The following TESMIN variants were observed in gnomAD, a reference collection of about 807,000 sequenced individuals.
The protein encoded by TESMIN is CXC domain containing 2.
TESMIN carries 34 observed loss-of-function variants against 47.4 expected under a neutral mutation model. The ratio of observed to expected loss-of-function variants is 0.72; its 90% CI spans 0.55 to 0.96. TESMIN has a LOEUF of 0.96. Among genes scored for constraint, TESMIN ranks in the 40% least tolerant of loss-of-function variants. TESMIN has a pLI of 0.00. For missense variants in TESMIN, 610 were observed against 637.2 expected (o/e 0.96, Z 0.46); for synonymous variants, 278 against 258.9 (o/e 1.07, Z -0.71).
In TESMIN at chr11:68,738,982, A is replaced by AC. The variant is rs1555224460; in HGVS notation, c.829-195_829-194insG. On this transcript the variant is annotated intron_variant, in intron 5 of 9. Coordinates refer to ENST00000255087, the MANE Select transcript of TESMIN (RefSeq NM_004923.3). Reference sequence around the variant, plus strand: ...AAGGTCTAGTGCTGAGGTGTGTCACAGCCTGTCTGGAAGTGTGCAAAGATG... The same window carrying AC: ...AAGGTCTAGTGCTGAGGTGTGTCACACGCCTGTCTGGAAGTGTGCAAAGATG... Among the ~76,000 whole-genome samples, 20 of 152,302 alleles carry AC rather than the reference A, an allele frequency of 1.3e-4. 1 individual carries two copies. Among genetic ancestry groups the AC allele is most frequent in the South Asian group, 1.0e-3 (5 of 4,830 alleles).
rs1215805707 is a variant in TESMIN at position 68,750,238 on chromosome 11, G to A, written c.423C>T (p.Gly141=). The A allele has an allele frequency of 2.0e-6, 3 of 1,530,054 alleles. No homozygotes were observed. The highest frequency in any genetic ancestry group is 2.6e-6 in the Non-Finnish European group (3 of 1,149,568). 94.8% of individuals were successfully genotyped at this position (1,530,054 alleles called of 1,614,324 possible). ...GGGAGGCTCCTTCCAGGACCCAGGC[G>A]CCCAGGGGCAACACCGCCGGGCTGC... ...AHRSPAVLPL[G]AWVLEGASHP... Residue 141 remains glycine (G), a synonymous_variant, in exon 2 of 10, where the codon GGC becomes GGT. Transcript: ENST00000255087.
chr11:68,738,580 C>T (rs1290463525), intron 6 of TESMIN, 120 bp downstream of exon 6: 37 of 1,496,646 alleles, frequency 2.5e-5, no homozygotes, highest in Non-Finnish European at 2.9e-5. Flanking sequence ...AAACATTTCT[C>T]AGAAGTCATG....
chr11:68,748,055 C>T (rs1042244096), intron 2 of TESMIN, among the ~76,000 whole-genome samples: 1 of 152,092 alleles, frequency 6.6e-6, no homozygotes, highest in African/African-American at 2.4e-5. Context: ...TCCTCCTCCA[C>T]CTACACTTGC....
rs922804493 is a variant in TESMIN at position 68,736,562 on chromosome 11, C to T, written c.917+2138G>A. ...AGTATATCATCAGTATTGCAGATGT[C>T]GAGATAAAAATCATCAGGCCCAATT... On this transcript the variant is annotated intron_variant, in intron 6 of 9. Transcript: ENST00000255087. 2.4e-5 allele frequency: 24 copies of T among 985,116 alleles called. No homozygotes were observed. In the Admixed American group the frequency reaches 6.8e-4, roughly 28 times the overall value. The allele number at this position is 985,116 out of a possible 1,614,324, so 61.0% of individuals were successfully genotyped here.
intron 6 of TESMIN, among the ~76,000 whole-genome samples, chr11:68,731,301 G>A (rs1211505759): frequency 2.6e-5 from 4 of 152,168 alleles, no homozygotes; most frequent in African/African-American, 7.2e-5. Flanking sequence ...GAGGGCGCAT[G>A]CCTGTAATTC....
chr11:68,719,821 G>C (rs1345956312), intron 6 of TESMIN, among the ~76,000 whole-genome samples: 15 of 152,346 alleles, frequency 9.8e-5, no homozygotes, highest in Non-Finnish European at 1.5e-5. Context: ...AAGAGAAACA[G>C]TCAAGAGTTA....
chr11:68,714,211 G>A (rs1415739054), intron 7 of TESMIN, among the ~76,000 whole-genome samples: 3 of 152,194 alleles, frequency 2.0e-5, no homozygotes, highest in Non-Finnish European at 4.4e-5. Context: ...CCAGCAGCAC[G>A]GCCCCTAGCA....
intron 9 of TESMIN, 169 bp downstream of exon 9, chr11:68,710,704 TG>T: frequency 1.7e-6 from 1 of 592,868 alleles, no homozygotes; most frequent in Non-Finnish European, 2.8e-6. Context: ...GGAAACACAG[TG>T]GCCACCCAGG....
intron 5 of TESMIN, among the ~76,000 whole-genome samples, 197 bp from the exon 6 acceptor site, chr11:68,738,985 CTGTCTGGAAGTGTGCAAAGA>C (rs1267205471): frequency 5.2e-4 from 79 of 152,218 alleles, no homozygotes; most frequent in South Asian, 1.2e-3. Context: ...GTGTCACAGC[CTGTCTGGAAGTGTGCAAAGA>C]TGTCTGGAAG....
chr11:68,717,274 C>T (rs1473642946), intron 6 of TESMIN, among the ~76,000 whole-genome samples: 4 of 152,224 alleles, frequency 2.6e-5, no homozygotes, highest in Non-Finnish European at 1.5e-5. Flanking sequence ...AGTTCTGCAG[C>T]AGCTAAGTGC....
At chr11:68,711,329 C>T (rs991184704) in intron 8 of TESMIN, among the ~76,000 whole-genome samples, 13 of 146,952 alleles carry the variant, frequency 8.8e-5, no homozygotes, top group African/African-American at 3.0e-4. Context: ...GTGTGTGTGT[C>T]GAGTGTGCGT....
At chr11:68,706,396 T>C (rs1945998050), downstream of TESMIN, among the ~76,000 whole-genome samples, 2 of 152,212 alleles carry the variant, frequency 1.3e-5, no homozygotes, top group African/African-American at 4.8e-5. Context: ...CAGCGCAGGC[T>C]CCTGTGCAAA....
Position 68,708,383 on chromosome 11 carries a change from G to C in TESMIN, c.1452C>G (p.Ile484Met). The C allele has an allele frequency of 6.2e-7, 1 of 1,614,042 alleles. No homozygotes were observed. Residue 484 changes from isoleucine (I) to methionine (M), a missense_variant, in exon 10 of 10, where the codon ATC (isoleucine) becomes ATG (methionine). Transcript: ENST00000255087. Reference protein sequence around the residue: ...HCSKCLAEQMILEEFGRCLSQ... With the variant: ...HCSKCLAEQMMLEEFGRCLSQ... Reference sequence around the variant, plus strand: ...ATAAGCACCTTCCAAATTCCTCCAGGATCATCTGCTCTGCCAGGCACTTGG... The same window carrying C: ...ATAAGCACCTTCCAAATTCCTCCAGCATCATCTGCTCTGCCAGGCACTTGG...
rs997999418 is a variant in TESMIN at position 68,750,360 on chromosome 11, G to A, written c.301C>T (p.Pro101Ser). Residue 101 changes from proline (P) to serine (S), a missense_variant, in exon 2 of 10, where the codon CCA becomes TCA. By Grantham distance (74) the Pro-to-Ser change is moderately conservative. Transcript: ENST00000255087. ...GELLGEYPGI[P>S]ELSALEDVAL... Reference sequence around the variant, plus strand: ...ACGTCCTCCAGCGCGCTGAGCTCTGGGATCCCGGGGTACTCCCCGAGGAGC... The same window carrying A: ...ACGTCCTCCAGCGCGCTGAGCTCTGAGATCCCGGGGTACTCCCCGAGGAGC... The A allele has an allele frequency of 4.0e-6, 6 of 1,510,010 alleles. No individual in the cohort carries two copies. In the Admixed American group the frequency reaches 8.6e-5, roughly 22 times the overall value. The allele number at this position is 1,510,010 out of a possible 1,614,324, so 93.5% of individuals were successfully genotyped here. A position where few individuals can be genotyped will look rare whatever the true frequency, so the allele number is the denominator to read the frequency against.
chr11:68,727,538 T>TC (rs1946279532), intron 6 of TESMIN, among the ~76,000 whole-genome samples: 1 of 152,230 alleles, frequency 6.6e-6, no homozygotes, highest in South Asian at 2.1e-4. Context: ...GGAAGAGACC[T>TC]CTCTCCATCC....
downstream of TESMIN, among the ~76,000 whole-genome samples, chr11:68,706,183 C>G (rs554235004): frequency 1.4e-3 from 206 of 152,340 alleles, no homozygotes; most frequent in Non-Finnish European, 2.2e-3. Flanking sequence ...ATCTTCTGTA[C>G]TGTCTCTGGT....
chr11:68,737,336 GC>G, intron 6 of TESMIN: 1 of 985,552 alleles, frequency 1.0e-6, no homozygotes, highest in South Asian at 4.7e-5. Context: ...AGCTGAAAGA[GC>G]CACTGCAGAA....
intron 5 of TESMIN, among the ~76,000 whole-genome samples, chr11:68,740,290 A>G (rs1017217849): frequency 6.6e-6 from 1 of 152,222 alleles, no homozygotes; most frequent in Admixed American, 6.5e-5. Flanking sequence ...ACTCCAAAGA[A>G]TATACAGAAC....
downstream of TESMIN, among the ~76,000 whole-genome samples, chr11:68,706,320 G>A (rs936737666): frequency 3.9e-5 from 6 of 152,228 alleles, no homozygotes; most frequent in Admixed American, 3.9e-4. Flanking sequence ...GCCTGCCCAG[G>A]TTGGCTCTTC....
Sources: gnomAD v4.1 joint callset for allele counts (sites outside exome capture counted in the v4.1 genomes callset) on GRCh38, gnomAD v4.1.1 for gene constraint, MANE v1.5 for transcripts, NCBI Gene and HGNC (gene_info 2026-07-23, HGNC 2026-07-21) for gene names.